UPRT: variants seen among roughly 807,000 people sequenced by gnomAD.
The protein encoded by UPRT is uracil phosphoribosyltransferase homolog, also known as RP11-311P8.3.
Under a neutral mutation model 22.6 loss-of-function variants are expected in UPRT, and 5 were observed. The ratio of observed to expected loss-of-function variants is 0.22; its 90% CI spans 0.12 to 0.47. The LOEUF is 0.47. UPRT is among the 20% of genes least tolerant of loss of function. The pLI, the probability that UPRT is intolerant of heterozygous loss-of-function variation, is 0.99. For missense variants in UPRT, 181 were observed against 239.9 expected (o/e 0.75, Z 1.62); for synonymous variants, 77 against 87.7 (o/e 0.88, Z 0.68).
chrX:75,279,071 A>C (rs183570555), intron 1 of UPRT, among the ~76,000 whole-genome samples: 2 of 111,140 alleles, frequency 1.8e-5, no homozygotes, highest in African/African-American at 3.3e-5. Flanking sequence ...GTAAAACCTG[A>C]CCACAGGTAA....
At chrX:75,178,285 C>T (rs996611214) in intron 4 of UPRT, among the ~76,000 whole-genome samples, 5 of 111,756 alleles carry the variant, frequency 4.5e-5, no homozygotes, top group Non-Finnish European at 3.8e-5. Flanking sequence ...TTTTAGCCCC[C>T]GAATTCTAAG....
chrX:75,234,502 C>G (rs1360521439), intron 4 of UPRT, among the ~76,000 whole-genome samples: 17 of 111,331 alleles, frequency 1.5e-4, no homozygotes, highest in Non-Finnish European at 3.0e-4. Flanking sequence ...AGCACCACAC[C>G]ACACCTATTC....
At chrX:75,235,027 G>T (rs1299267861) in intron 4 of UPRT, among the ~76,000 whole-genome samples, 1 of 111,628 alleles carries the variant, frequency 9.0e-6, no homozygotes, top group Non-Finnish European at 1.9e-5. Flanking sequence ...CAACAAAATT[G>T]ATAGACTGCT....
intron 4 of UPRT, among the ~76,000 whole-genome samples, chrX:75,234,456 A>G (rs1462271003): frequency 9.0e-6 from 1 of 111,247 alleles, no homozygotes; most frequent in Non-Finnish European, 1.9e-5. Context: ...TCTACAGAAC[A>G]CTCTACCCCA....
At chrX:75,248,700 T>C (rs1266514582) in intron 4 of UPRT, among the ~76,000 whole-genome samples, 1 of 111,175 alleles carries the variant, frequency 9.0e-6, no homozygotes, top group Non-Finnish European at 1.9e-5. Context: ...ATTCAGGAAA[T>C]ACAGGGAACA....
chrX:75,171,239 C>T (rs988662614), intron 4 of UPRT, among the ~76,000 whole-genome samples: 2 of 111,160 alleles, frequency 1.8e-5, no homozygotes, highest in African/African-American at 6.5e-5. Context: ...TAACATAATC[C>T]CAACCTTCTT....
chrX:75,231,985 C>T (rs977856319), intron 4 of UPRT, among the ~76,000 whole-genome samples: 2 of 111,877 alleles, frequency 1.8e-5, no homozygotes, highest in African/African-American at 3.3e-5. Context: ...CCAGCATGAG[C>T]GACGCAGAAG....
At chrX:75,237,063 A>G (rs1458354390) in intron 4 of UPRT, among the ~76,000 whole-genome samples, 5 of 112,287 alleles carry the variant, frequency 4.5e-5, no homozygotes, top group Non-Finnish European at 1.9e-5. Flanking sequence ...ACAAAGGGCT[A>G]ATATTCAGAA....
chrX:75,156,838 T>C, intron 1 of UPRT: 1 of 298,145 alleles, frequency 3.4e-6, no homozygotes, highest in South Asian at 3.1e-5. Flanking sequence ...CTTTGCTGAT[T>C]GTTCTCTGTT....
chrX:75,206,928 T>C (rs2082368785), intron 4 of UPRT, among the ~76,000 whole-genome samples: 1 of 112,296 alleles, frequency 8.9e-6, no homozygotes, highest in African/African-American at 3.2e-5. Flanking sequence ...CCTCCCAAAG[T>C]GTTGAGATTA....
At chrX:75,301,009 G>A in intron 6 of UPRT, 44 bp downstream of exon 6, 1 of 971,298 alleles carries the variant, frequency 1.0e-6, no homozygotes, top group Non-Finnish European at 1.4e-6. Flanking sequence ...ATATAGTCCT[G>A]AGGTGGGTAA....
chrX:75,301,001 A>G (rs758499951), intron 6 of UPRT, 36 bp downstream of exon 6: 5 of 1,054,600 alleles, frequency 4.7e-6, no homozygotes, highest in African/African-American at 3.8e-5. Context: ...AGGGCTCCAT[A>G]TAGTCCTGAG....
intron 4 of UPRT, among the ~76,000 whole-genome samples, chrX:75,263,992 G>A (rs1465561213): frequency 9.0e-6 from 1 of 110,912 alleles, no homozygotes; most frequent in African/African-American, 3.3e-5. Flanking sequence ...AGTCATTCAG[G>A]AGCAGGTTGT....
At chrX:75,272,295 T>TAC (rs2082610940), upstream of UPRT, among the ~76,000 whole-genome samples, 1 of 17,144 alleles carries the variant, frequency 5.8e-5, no homozygotes, top group African/African-American at 6.4e-5. Context: ...TACACATATA[T>TAC]ATGTGTATAT....
In UPRT at chrX:75,164,699, C is replaced by T. The variant is rs144303378; in HGVS notation, c.-521+1474C>T. 9.3e-3 allele frequency among the ~76,000 whole-genome samples: 1,036 copies of T among 110,830 alleles called. 5 individuals carry two copies. Among genetic ancestry groups the T allele is most frequent in the Middle Eastern group, 0.019 (4 of 214 alleles). ...CTAAAGTTGATTGTGGTGATGGTTG[C>T]GAAACTCCATGAATATACTAAAAAC... On this transcript the variant is annotated intron_variant, in intron 3 of 13. Coordinates refer to the UPRT transcript ENST00000652605.
At chrX:75,217,013 C>A (rs2082395177) in intron 4 of UPRT, among the ~76,000 whole-genome samples, 1 of 111,701 alleles carries the variant, frequency 9.0e-6, no homozygotes, top group Non-Finnish European at 1.9e-5. Context: ...CTCGGCCTCC[C>A]AAAGTGCTGG....
At chrX:75,252,353 C>A (rs1602475071) in intron 4 of UPRT, among the ~76,000 whole-genome samples, 1 of 111,745 alleles carries the variant, frequency 8.9e-6, no homozygotes, top group African/African-American at 3.3e-5. Context: ...AAGAAAAAAA[C>A]AAACAACCCC....
upstream of UPRT, chrX:75,274,043 T>G: frequency 4.7e-6 from 2 of 425,102 alleles, no homozygotes. Flanking sequence ...GCCAATAGGG[T>G]GTCTAGGCAG....
chrX:75,172,127 C>T (rs1293718463), intron 4 of UPRT, among the ~76,000 whole-genome samples: 1 of 111,779 alleles, frequency 8.9e-6, no homozygotes, highest in African/African-American at 3.3e-5. Context: ...ATCAGGTGAT[C>T]GGTGGAGCTC....
Sources: allele counts gnomAD v4.1 joint callset (sites outside exome capture counted in the v4.1 genomes callset), GRCh38; gene constraint gnomAD v4.1.1; transcripts MANE v1.5; gene names NCBI Gene and HGNC (gene_info 2026-07-23, HGNC 2026-07-21).